The following CREB3L2 variants were observed in gnomAD, a reference collection of about 807,000 sequenced individuals.
CREB3L2 encodes the protein cyclic AMP-responsive element-binding protein 3-like protein 2.
CREB3L2 carries 23 observed loss-of-function variants against 57.2 expected under a neutral mutation model. The observed-to-expected ratio is 0.40, with a 90% confidence interval of 0.29 to 0.57. The LOEUF (loss-of-function observed/expected upper bound fraction) is 0.57, where lower values mean the gene tolerates loss of function less well. Ranked by LOEUF, CREB3L2 falls within the 20% of genes least tolerant of loss-of-function variation. The pLI, the probability that CREB3L2 is intolerant of heterozygous loss-of-function variation, is 0.42. For missense variants in CREB3L2, 628 were observed against 634.7 expected (o/e 0.99, Z 0.11); for synonymous variants, 268 against 265.1 (o/e 1.01, Z -0.11).
intron 6 of CREB3L2, 63 bp downstream of exon 6, chr7:137,905,639 A>C: frequency 1.9e-6 from 3 of 1,561,556 alleles, no homozygotes; most frequent in Admixed American, 3.3e-5. Context: ...AAGGCAGGGA[A>C]AGGGATGCTG....
intron 7 of CREB3L2, among the ~76,000 whole-genome samples, chr7:137,901,999 G>C (rs1004661474): frequency 6.6e-6 from 1 of 150,578 alleles, no homozygotes; most frequent in African/African-American, 2.4e-5. Flanking sequence ...CTCAAGAATA[G>C]CCTGGCCAAC....
At chr7:137,953,428 A>G in intron 1 of CREB3L2, 2 of 1,269,480 alleles carry the variant, frequency 1.6e-6, no homozygotes, top group Non-Finnish European at 2.1e-6. Context: ...GAATAGATGG[A>G]TAAATAACAG....
Position 137,878,930 on chromosome 7 carries a change from AGAG to A in CREB3L2, c.*1543_*1545del. ...GTGTGTGGGGGTGGGTGGTGGGGGGAGAGAGAGAAGGAGAGACAGAGAGAGAGA... is the reference window on the plus strand; with the variant it reads ...GTGTGTGGGGGTGGGTGGTGGGGGGAAGAGAAGGAGAGACAGAGAGAGAGA... On this transcript the variant is annotated 3_prime_UTR_variant, in exon 12 of 12. Coordinates refer to ENST00000330387, the MANE Select transcript of CREB3L2 (RefSeq NM_194071.4). 2.5e-6 allele frequency: 1 copy of A among 394,066 alleles called. No homozygotes were observed. Among genetic ancestry groups the A allele is most frequent in the South Asian group, 2.5e-5 (1 of 39,362 alleles). The allele number at this position is 394,066 out of a possible 1,614,324, so 24.4% of individuals were successfully genotyped here.
At position 137,961,928 on chromosome 7, in the gene CREB3L2, G is replaced by A. The variant is rs183044982; in HGVS notation, c.103-33562C>T. On this transcript the variant is annotated intron_variant, in intron 1 of 11. Coordinates refer to ENST00000330387, the MANE Select transcript of CREB3L2 (RefSeq NM_194071.4). ...GCCCCCTCACTTTTCTGAACCATGG[G>A]AACTTCTAGGAAGTTCTTCTAGGAA... Among the ~76,000 whole-genome samples, 4 of 152,126 alleles carry A rather than the reference G, an allele frequency of 2.6e-5. No individual in the cohort carries two copies. The East Asian group carries it at 7.8e-4, about 29-fold the overall frequency.
At chr7:137,961,331 T>C (rs1801319274) in intron 1 of CREB3L2, among the ~76,000 whole-genome samples, 1 of 152,122 alleles carries the variant, frequency 6.6e-6, no homozygotes, top group African/African-American at 2.4e-5. Flanking sequence ...GGAAAGTACG[T>C]ATGTCTCTGA....
chr7:137,952,364 C>A (rs1220500273), intron 1 of CREB3L2, among the ~76,000 whole-genome samples: 4 of 152,286 alleles, frequency 2.6e-5, no homozygotes, highest in Admixed American at 1.3e-4. Flanking sequence ...CATACTCAGC[C>A]TCCTTCCCAA....
intron 1 of CREB3L2, among the ~76,000 whole-genome samples, chr7:137,967,533 T>G (rs778810204): frequency 1.3e-5 from 2 of 152,152 alleles, no homozygotes; most frequent in Non-Finnish European, 2.9e-5. Flanking sequence ...CAACCCTAGC[T>G]TCTCCCTAAT....
chr7:137,954,143 T>C (rs750924934), intron 1 of CREB3L2, among the ~76,000 whole-genome samples: 3 of 152,224 alleles, frequency 2.0e-5, no homozygotes, highest in African/African-American at 4.8e-5. Context: ...ATACAGGTTG[T>C]ACCTGTCCTG....
At chr7:137,899,049 AAG>A (rs1799686543) in intron 8 of CREB3L2, among the ~76,000 whole-genome samples, 1 of 149,184 alleles carries the variant, frequency 6.7e-6, no homozygotes, top group South Asian at 2.1e-4. Context: ...AGAAAAAAGA[AAG>A]AAAGAAAAAG....
chr7:137,922,453 T>TATAC (rs1554498063), intron 2 of CREB3L2: 2 of 72,578 alleles, frequency 2.8e-5, no homozygotes, highest in African/African-American at 1.3e-4. Context: ...TATATATATA[T>TATAC]ACACACATAT....
intron 1 of CREB3L2, among the ~76,000 whole-genome samples, chr7:137,933,564 TTC>T (rs1216889248): frequency 5.3e-5 from 8 of 152,216 alleles, no homozygotes; most frequent in African/African-American, 1.4e-4. Flanking sequence ...TTACAAACCA[TTC>T]AGCACTAACG....
In CREB3L2 at chr7:137,876,693, G is replaced by A. The variant is rs1044019871; in HGVS notation, c.*3783C>T. On this transcript the variant is annotated 3_prime_UTR_variant, in exon 12 of 12. Transcript: ENST00000330387. ...GGCCAAATAAAATGACTCTCAAGAG[G>A]GCACTACCTGCCCATGGCTTCACAG... 1.3e-5 allele frequency: 3 copies of A among 232,250 alleles called. No individual in the cohort carries two copies. Among genetic ancestry groups the A allele is most frequent in the African/African-American group, 6.6e-5 (3 of 45,190 alleles). The allele number at this position is 232,250 out of a possible 1,614,324, so 14.4% of individuals were successfully genotyped here. A position where few individuals can be genotyped will look rare whatever the true frequency, so the allele number is the denominator to read the frequency against.
In CREB3L2 at chr7:137,889,152, G is replaced by A. The variant is rs553186998; in HGVS notation, c.1044-3650C>T. 5.3e-5 allele frequency among the ~76,000 whole-genome samples: 8 copies of A among 152,124 alleles called. 1 individual carries two copies. Among genetic ancestry groups the A allele is most frequent in the African/African-American group, 1.7e-4 (7 of 41,496 alleles). Reference sequence around the variant, plus strand: ...CTTCCAATTTCTGGTTGATATCTCTGGGCCCTGTACCCCTTCCCCTAGGAT... The same window carrying A: ...CTTCCAATTTCTGGTTGATATCTCTAGGCCCTGTACCCCTTCCCCTAGGAT... On this transcript the variant is annotated intron_variant, in intron 8 of 11. Coordinates refer to ENST00000330387, the MANE Select transcript of CREB3L2 (RefSeq NM_194071.4).
chr7:137,969,823 ATAAGT>A (rs1471171345), intron 1 of CREB3L2, among the ~76,000 whole-genome samples: 1 of 144,954 alleles, frequency 6.9e-6, no homozygotes, highest in Non-Finnish European at 1.5e-5. Flanking sequence ...AGACAGAAAA[ATAAGT>A]TAATATGGTA....
At chr7:137,987,381 T>G (rs191857880) in intron 1 of CREB3L2, among the ~76,000 whole-genome samples, 26 of 152,266 alleles carry the variant, frequency 1.7e-4, no homozygotes, top group Non-Finnish European at 3.1e-4. Context: ...TGAATAAGTT[T>G]TCAGTAGCAA....
intron 5 of CREB3L2, among the ~76,000 whole-genome samples, chr7:137,906,106 C>T (rs891794201): frequency 3.9e-5 from 6 of 152,172 alleles, no homozygotes; most frequent in South Asian, 4.2e-4. Context: ...CATTATTTCC[C>T]GGGAAGCACC....
At chr7:137,981,351 G>C (rs989096232) in intron 1 of CREB3L2, among the ~76,000 whole-genome samples, 1 of 152,098 alleles carries the variant, frequency 6.6e-6, no homozygotes, top group Non-Finnish European at 1.5e-5. Context: ...ATTCTATGAG[G>C]GCCTGTGCTT....
chr7:137,888,839 T>C (rs1356263295), intron 8 of CREB3L2, among the ~76,000 whole-genome samples: 2 of 152,046 alleles, frequency 1.3e-5, no homozygotes, highest in Admixed American at 6.6e-5. Flanking sequence ...GCCTGTAAGC[T>C]GGTGGCCGCA....
intron 1 of CREB3L2, among the ~76,000 whole-genome samples, chr7:137,955,092 A>G (rs975480519): frequency 9.9e-5 from 15 of 152,212 alleles, no homozygotes; most frequent in Non-Finnish European, 2.1e-4. Context: ...ATAATGAATG[A>G]CCATGATAAA....
Sources: allele counts gnomAD v4.1 joint callset (sites outside exome capture counted in the v4.1 genomes callset), GRCh38; gene constraint gnomAD v4.1.1; transcripts MANE v1.5; gene names NCBI Gene and HGNC (gene_info 2026-07-23, HGNC 2026-07-21).